SPATA13: variants seen among roughly 807,000 people sequenced by gnomAD.
The protein encoded by SPATA13 is spermatogenesis-associated protein 13.
In SPATA13, 50 loss-of-function variants were observed where a neutral mutation model predicts 104.0. The ratio of observed to expected loss-of-function variants is 0.48; its 90% confidence interval spans 0.38 to 0.61. The LOEUF (loss-of-function observed/expected upper bound fraction) is 0.61, where lower values mean the gene tolerates loss of function less well. Among genes scored for constraint, SPATA13 ranks in the 20% least tolerant of loss-of-function variants. The pLI, the probability that SPATA13 is intolerant of heterozygous loss-of-function variation, is 0.00. For missense variants in SPATA13, 1,524 were observed against 1,690.6 expected (o/e 0.90, Z 1.73); for synonymous variants, 606 against 667.5 (o/e 0.91, Z 1.42).
At position 24,306,995 on chromosome 13, in the gene SPATA13, A is replaced by G. The variant is rs929159089; in HGVS notation, c.*4222A>G. ...TTTTTGTAAAAAAAAATTATTTACA[A>G]TGTTATTTGAATGATTTTTTTAAAT... On this transcript the variant is annotated 3_prime_UTR_variant, in exon 13 of 13. Coordinates refer to ENST00000382108, the MANE Select transcript of SPATA13 (RefSeq NM_001166271.3). 4 of 152,254 alleles carry G rather than the reference A, an allele frequency of 2.6e-5. No homozygotes were observed. The East Asian group carries it at 5.8e-4, about 22-fold the overall frequency. The allele number at this position is 152,254 out of a possible 1,614,324, so 9.4% of individuals were successfully genotyped here.
chr13:24,110,678 A>G (rs1361767071), intron 3 of SPATA13, among the ~76,000 whole-genome samples: 1 of 152,212 alleles, frequency 6.6e-6, no homozygotes, highest in East Asian at 1.9e-4. Flanking sequence ...AAGGAAACAA[A>G]CATGCCCCCG....
rs569486814 is a variant in SPATA13 at position 24,250,026 on chromosome 13, G to A, written c.2019+184G>A. On this transcript the variant is annotated intron_variant, in intron 3 of 12. Coordinates refer to ENST00000382108, the MANE Select transcript of SPATA13 (RefSeq NM_001166271.3). ...CATGAATTCAAACTAACCACCTGACGTTTGGATGCCTTTTGCTAATCTTTC... is the reference window on the plus strand; with the variant it reads ...CATGAATTCAAACTAACCACCTGACATTTGGATGCCTTTTGCTAATCTTTC... 9.1e-4 allele frequency among the ~76,000 whole-genome samples: 138 copies of A among 152,274 alleles called. 1 individual carries two copies. Among genetic ancestry groups the A allele is most frequent in the African/African-American group, 3.1e-3 (130 of 41,562 alleles).
intron 1 of SPATA13, among the ~76,000 whole-genome samples, chr13:24,166,980 A>G (rs9511101): frequency 0.86 from 130,614 of 152,242 alleles, 57,559 homozygotes; most frequent in East Asian, 0.97. Flanking sequence ...CATCTCTCAG[A>G]GTTTCAAAAC....
Position 24,150,017 on chromosome 13 carries a change from C to T in SPATA13, c.-111-72802C>T, listed in dbSNP as rs113841110. 2.9e-4 allele frequency among the ~76,000 whole-genome samples: 44 copies of T among 152,000 alleles called. 1 individual carries two copies. Among genetic ancestry groups the T allele is most frequent in the Admixed American group, 1.3e-3 (20 of 15,276 alleles). On this transcript the variant is annotated intron_variant, in intron 3 of 14. Transcript: ENST00000424834. ...GGGAGAGTGTGGGGCATGGGAGAGT[C>T]GGGGGACTGTCCCACAGAAAGCTGG...
Position 24,064,757 on chromosome 13 carries a change from A to C in SPATA13, c.-112+47056A>C, listed in dbSNP as rs555013681. ...TAAAATGCTGCTGGGTGCCTTCTTA[A>C]TCAGCGATGAAGGTCAATACCACCA... is the stretch of plus-strand genomic sequence containing the variant. On this transcript the variant is annotated intron_variant, in intron 3 of 14. Transcript: ENST00000424834. Among the ~76,000 whole-genome samples the C allele has an allele frequency of 6.6e-5, 10 of 152,322 alleles. No individual in the cohort carries two copies. In the East Asian group the frequency reaches 1.9e-3, roughly 29 times the overall value.
intron 1 of SPATA13, among the ~76,000 whole-genome samples, chr13:24,216,497 T>C (rs1026204863): frequency 6.6e-5 from 10 of 152,252 alleles, no homozygotes; most frequent in African/African-American, 2.4e-4. Flanking sequence ...TTTGTCCATA[T>C]ACTTTCAATT....
intron 3 of SPATA13, among the ~76,000 whole-genome samples, chr13:24,150,437 T>C (rs1378231984): frequency 1.3e-5 from 2 of 152,212 alleles, no homozygotes; most frequent in Admixed American, 6.5e-5. Flanking sequence ...GAGACCTGGT[T>C]CAGGCAGGAC....
chr13:24,302,075 C>T (rs1386043145), intron 12 of SPATA13, among the ~76,000 whole-genome samples: 1 of 152,186 alleles, frequency 6.6e-6, no homozygotes, highest in East Asian at 1.9e-4. Flanking sequence ...TTGCTACTCA[C>T]CTTGACTGTC....
rs191361349 is a variant in SPATA13 at position 24,294,653 on chromosome 13, C to T, written c.3081-86C>T. Reference sequence around the variant, plus strand: ...TCACTTTGTCTAGAGCATTCGTATACGAAGAAGCGCCCCAGTGGATTATTT... The same window carrying T: ...TCACTTTGTCTAGAGCATTCGTATATGAAGAAGCGCCCCAGTGGATTATTT... On this transcript the variant is annotated intron_variant, in intron 9 of 12. Coordinates refer to ENST00000382108, the MANE Select transcript of SPATA13 (RefSeq NM_001166271.3). 6.4e-5 allele frequency: 92 copies of T among 1,439,768 alleles called. No homozygotes were observed. In the East Asian group the frequency reaches 7.9e-4, roughly 12 times the overall value. The allele number at this position is 1,439,768 out of a possible 1,614,324, so 89.2% of individuals were successfully genotyped here. A position where few individuals can be genotyped will look rare whatever the true frequency, so the allele number is the denominator to read the frequency against.
intron 1 of SPATA13, among the ~76,000 whole-genome samples, chr13:24,189,094 TG>T (rs1869342550): frequency 6.6e-6 from 1 of 152,130 alleles, no homozygotes; most frequent in African/African-American, 2.4e-5. Context: ...AGATGAATAT[TG>T]TTTTCCTGCC....
At chr13:24,115,041 G>A (rs902440771) in intron 3 of SPATA13, among the ~76,000 whole-genome samples, 1 of 152,172 alleles carries the variant, frequency 6.6e-6, no homozygotes, top group African/African-American at 2.4e-5. Context: ...ATTGTTTTAG[G>A]GGAGGAGACA....
At chr13:24,300,114 C>G (rs770865147) in intron 11 of SPATA13, among the ~76,000 whole-genome samples, 2 of 152,164 alleles carry the variant, frequency 1.3e-5, no homozygotes, top group African/African-American at 4.8e-5. Context: ...GGAATATTTG[C>G]CCGGGAGCGT....
chr13:24,162,240 T>C (rs1882531672), intron 1 of SPATA13, among the ~76,000 whole-genome samples: 1 of 152,262 alleles, frequency 6.6e-6, no homozygotes, highest in South Asian at 2.1e-4. Context: ...CCCGTGCATA[T>C]GCAGGTTTCT....
chr13:24,238,426 G>C (rs1872680883), intron 2 of SPATA13, among the ~76,000 whole-genome samples: 1 of 152,138 alleles, frequency 6.6e-6, no homozygotes, highest in Non-Finnish European at 1.5e-5. Flanking sequence ...CAGAGTGCTG[G>C]GATTACAGGC....
intron 3 of SPATA13, among the ~76,000 whole-genome samples, chr13:24,073,458 G>T (rs981244998): frequency 6.6e-6 from 1 of 152,220 alleles, no homozygotes; most frequent in African/African-American, 2.4e-5. Flanking sequence ...GAAGGAGGAA[G>T]TTCCACATGG....
At chr13:24,022,302 G>A (rs1204610501) in intron 3 of SPATA13, among the ~76,000 whole-genome samples, 1 of 152,054 alleles carries the variant, frequency 6.6e-6, no homozygotes, top group Non-Finnish European at 1.5e-5. Context: ...CTCCCAAAGT[G>A]CTGGGATTAT....
At chr13:24,024,396 A>T (rs1270369671) in intron 3 of SPATA13, among the ~76,000 whole-genome samples, 1 of 152,110 alleles carries the variant, frequency 6.6e-6, no homozygotes. Flanking sequence ...GATGGAATGA[A>T]GGAATGATGA....
intron 3 of SPATA13, among the ~76,000 whole-genome samples, chr13:24,068,489 T>A (rs1035284142): frequency 2.0e-5 from 3 of 152,368 alleles, no homozygotes; most frequent in African/African-American, 7.2e-5. Flanking sequence ...TTTGGGTATG[T>A]GCCCAGTAAT....
At chr13:24,015,709 A>T (rs1257504980) in intron 2 of SPATA13, among the ~76,000 whole-genome samples, 9 of 146,956 alleles carry the variant, frequency 6.1e-5, no homozygotes, top group Non-Finnish European at 1.2e-4. Flanking sequence ...GGCCTTCCTG[A>T]TCCTTCCCCT....
Sources: gnomAD v4.1 joint callset for allele counts (sites outside exome capture counted in the v4.1 genomes callset) on GRCh38, gnomAD v4.1.1 for gene constraint, MANE v1.5 for transcripts, NCBI Gene and HGNC (gene_info 2026-07-23, HGNC 2026-07-21) for gene names.